The following SPATA31D1 variants were observed in gnomAD, a reference collection of about 807,000 sequenced individuals.
SPATA31D1 encodes SPATA31 subfamily D member 1.
A neutral mutation model predicts 13.2 loss-of-function variants in SPATA31D1; 6 were observed. The observed-to-expected ratio is 0.46, with a 90% CI of 0.25 to 0.90. SPATA31D1 has a LOEUF of 0.90. Ranked by LOEUF, SPATA31D1 falls within the 40% of genes least tolerant of loss-of-function variation. The pLI is 0.18. For missense variants in SPATA31D1, 2,445 were observed against 1,884.7 expected (o/e 1.30, Z -5.50); for synonymous variants, 903 against 718.8 (o/e 1.26, Z -4.10).
chr9:81,993,417 C>T lies in SPATA31D1; in HGVS notation c.2947C>T (p.Leu983Phe). The T allele has an allele frequency of 6.2e-7, 1 of 1,613,982 alleles. No homozygotes were observed. The highest frequency in any genetic ancestry group is 8.5e-7 in the Non-Finnish European group (1 of 1,179,896). Residue 983 changes from leucine to phenylalanine, a missense_variant, in exon 4 of 4, where the codon CTT becomes TTT. Transcript: ENST00000344803. ...GGGAACAACAAGCTCAGTCCCCATC[C>T]TTGATCGTCCTCACCCTGTCTCCTC... The part of the protein sequence containing the change: ...KLGTTSSVPI[L>F]DRPHPVSSPV...
chr9:81,994,506 C>G lies in SPATA31D1; in HGVS notation c.4036C>G (p.Pro1346Ala). The G allele has an allele frequency of 6.2e-7, 1 of 1,613,478 alleles. No individual in the cohort carries two copies. The highest frequency in any genetic ancestry group is 8.5e-7 in the Non-Finnish European group (1 of 1,179,654). ...SSPTLKTQPPPENLFRKWMKT... is the reference protein window; with the variant it reads ...SSPTLKTQPPAENLFRKWMKT... Reference sequence around the variant, plus strand: ...CCCAACCTTGAAAACACAGCCTCCTCCTGAAAACCTTTTCAGAAAATGGAT... The same window carrying G: ...CCCAACCTTGAAAACACAGCCTCCTGCTGAAAACCTTTTCAGAAAATGGAT... Residue 1346 changes from proline (P) to alanine (A), a missense_variant, in exon 4 of 4, where the codon CCT becomes GCT. By Grantham distance (27) the Pro-to-Ala change is conservative. Transcript: ENST00000344803.
Position 81,995,065 on chromosome 9 carries a change from G to C in SPATA31D1, c.4595G>C (p.Arg1532Pro), listed in dbSNP as rs752642779. 15 of 1,613,214 alleles carry C rather than the reference G, an allele frequency of 9.3e-6. No homozygotes were observed. The highest frequency in any genetic ancestry group is 1.3e-5 in the African/African-American group (1 of 74,898). Residue 1532 changes from arginine to proline, a missense_variant, in exon 4 of 4, where the codon CGG becomes CCG. Coordinates refer to ENST00000344803, the MANE Select transcript of SPATA31D1 (RefSeq NM_001001670.3). ...GTGCCACATCCAAACCCCACTTGCC[G>C]GCGTCAGGTCAGCCTGGTGTGTCCA... Reference protein sequence around the residue: ...KPVPHPNPTCRRQVSLVCPAV... With the variant: ...KPVPHPNPTCPRQVSLVCPAV...
Position 81,990,205 on chromosome 9 carries a change from G to C in SPATA31D1, c.233-212G>C. Reference sequence around the variant, plus strand: ...CACTGATGTCTGTGTTTCACGTGGTGGTTTTGAGCATCACATGGGGTAATG... The same window carrying C: ...CACTGATGTCTGTGTTTCACGTGGTCGTTTTGAGCATCACATGGGGTAATG... On this transcript the variant is annotated intron_variant, in intron 2 of 3. Transcript: ENST00000344803. 7.5e-6 allele frequency: 4 copies of C among 535,762 alleles called. No homozygotes were observed. The South Asian group carries it at 1.3e-4, about 17-fold the overall frequency. The allele number at this position is 535,762 out of a possible 1,614,324, so 33.2% of individuals were successfully genotyped here. A position where few individuals can be genotyped will look rare whatever the true frequency, so the allele number is the denominator to read the frequency against.
Position 81,992,918 on chromosome 9 carries a change from C to T in SPATA31D1, c.2448C>T (p.Asp816=), listed in dbSNP as rs765682060. ...ETHMMHLSGN[D]SGVRLGQKQL... is the part of the protein sequence containing the mutation. ...ATATGATGCATCTGTCAGGGAATGA[C>T]TCAGGGGTGAGACTAGGTCAGAAAC... The change falls in exon 4 of 4, where the codon GAC becomes GAT. Residue 816 remains aspartate (D), a synonymous_variant. Transcript: ENST00000344803. The T allele has an allele frequency of 5.6e-6, 9 of 1,613,760 alleles. No homozygotes were observed. The East Asian group carries it at 6.7e-5, about 12-fold the overall frequency.
Position 81,992,544 on chromosome 9 carries a change from C to T in SPATA31D1, c.2074C>T (p.Arg692Ter), listed in dbSNP as rs376217865. ...AAGGAAGAAACTAGAGCAACACATT[C>T]GAAGGAGGCTCATCCAGCGCAGATG... is the stretch of plus-strand genomic sequence containing the variant. Reference protein sequence around the residue: ...EVRKKLEQHIRRRLIQRRWGL... With the variant: ...EVRKKLEQHI Residue 692 changes from arginine to a stop codon, truncating the protein, a stop_gained, in exon 4 of 4, where the codon CGA becomes TGA. Transcript: ENST00000344803. LOFTEE classifies it low-confidence loss of function (END_TRUNC). The T allele has an allele frequency of 9.9e-6, 16 of 1,611,842 alleles. No homozygotes were observed. Among genetic ancestry groups the T allele is most frequent in the Non-Finnish European group, 1.4e-5 (16 of 1,179,734 alleles).
In SPATA31D1 at chr9:81,992,143, C is replaced by G. The variant is rs778987654; in HGVS notation, c.1673C>G (p.Thr558Ser). The change falls in exon 4 of 4, where the codon ACC becomes AGC. Residue 558 changes from threonine (T) to serine (S), a missense_variant. Coordinates refer to ENST00000344803, the MANE Select transcript of SPATA31D1 (RefSeq NM_001001670.3). Reference protein sequence around the residue: ...PPPQPLSLPSTQPLPLPQTLP... With the variant: ...PPPQPLSLPSSQPLPLPQTLP... ...CCCCAACCTCTGTCCTTGCCTAGTA[C>G]CCAACCACTACCCTTGCCTCAAACC... is the stretch of plus-strand genomic sequence containing the variant. The G allele has an allele frequency of 6.2e-7, 1 of 1,613,732 alleles. No homozygotes were observed. Among genetic ancestry groups the G allele is most frequent in the Non-Finnish European group, 8.5e-7 (1 of 1,179,724 alleles).
chr9:81,993,393 G>T lies in SPATA31D1; in HGVS notation c.2923G>T (p.Gly975Ter), dbSNP rs921141339. ...SRSTFQGEKL[G>*]TTSSVPILDR... ...AAGCACTTTTCAAGGAGAAAAGTTGGGAACAACAAGCTCAGTCCCCATCCT... is the reference window on the plus strand; with the variant it reads ...AAGCACTTTTCAAGGAGAAAAGTTGTGAACAACAAGCTCAGTCCCCATCCT... The change falls in exon 4 of 4, where the codon GGA (glycine) becomes TGA (stop). Residue 975 changes from glycine (G) to a stop codon, truncating the protein, a stop_gained. Coordinates refer to ENST00000344803, the MANE Select transcript of SPATA31D1 (RefSeq NM_001001670.3). LOFTEE classifies it low-confidence loss of function (END_TRUNC). 3.7e-6 allele frequency: 6 copies of T among 1,613,802 alleles called. No homozygotes were observed. In the African/African-American group the frequency reaches 6.7e-5, roughly 18 times the overall value.
chr9:81,993,177 T>C lies in SPATA31D1; in HGVS notation c.2707T>C (p.Leu903=). Residue 903 remains leucine (L), a synonymous_variant, in exon 4 of 4, where the codon TTG becomes CTG. Coordinates refer to ENST00000344803, the MANE Select transcript of SPATA31D1 (RefSeq NM_001001670.3). ...SFLSSNKQKM[L]EAHIKTFRMR... ...CCTTAGTTCCAACAAACAAAAGATG[T>C]TGGAAGCCCATATTAAAACTTTCCG... The C allele has an allele frequency of 6.2e-7, 1 of 1,614,004 alleles. No individual in the cohort carries two copies. The highest frequency in any genetic ancestry group is 1.1e-5 in the South Asian group (1 of 91,076).
Position 81,991,783 on chromosome 9 carries a change from T to G in SPATA31D1, c.1313T>G (p.Phe438Cys), listed in dbSNP as rs757412580. Residue 438 changes from phenylalanine to cysteine, a missense_variant, in exon 4 of 4, where the codon TTC becomes TGC. Coordinates refer to ENST00000344803, the MANE Select transcript of SPATA31D1 (RefSeq NM_001001670.3). Reference sequence around the variant, plus strand: ...GAAAATGGAAAGAAACCAGGATCATTCCCAAAACAACTTAGGCCAAACTAC... The same window carrying G: ...GAAAATGGAAAGAAACCAGGATCATGCCCAAAACAACTTAGGCCAAACTAC... Reference protein sequence around the residue: ...WKENGKKPGSFPKQLRPNYQL... With the variant: ...WKENGKKPGSCPKQLRPNYQL... 60 of 1,613,664 alleles carry G rather than the reference T, an allele frequency of 3.7e-5. No homozygotes were observed. Among genetic ancestry groups the G allele is most frequent in the Admixed American group, 1.2e-4 (7 of 59,992 alleles).
Position 81,988,863 on chromosome 9 carries a change from G to A in SPATA31D1, c.45G>A (p.Gly15=), listed in dbSNP as rs1397595624. The A allele has an allele frequency of 6.2e-7, 1 of 1,612,882 alleles. No individual in the cohort carries two copies. The highest frequency in any genetic ancestry group is 1.1e-5 in the South Asian group (1 of 91,026). The change falls in exon 1 of 4, where the codon GGG becomes GGA. Residue 15 remains glycine, a synonymous_variant. Coordinates refer to ENST00000344803, the MANE Select transcript of SPATA31D1 (RefSeq NM_001001670.3). ...LCFLNSYTET[G]LSPDSHWLDI... is the part of the protein sequence containing the mutation. ...TTCTGAACAGCTATACTGAGACAGG[G>A]CTGAGCCCTGACTCACATTGGTTGG...
chr9:81,989,867 C>T (rs1362028316), intron 2 of SPATA31D1, 44 bp downstream of exon 2: 2 of 1,600,212 alleles, frequency 1.2e-6, no homozygotes, highest in African/African-American at 1.3e-5. Context: ...GTGACCCTTT[C>T]TGTCTCTTTC....
Position 81,994,545 on chromosome 9 carries a change from C to T in SPATA31D1, c.4075C>T (p.Gln1359Ter). 1 of 1,613,360 alleles carries T rather than the reference C, an allele frequency of 6.2e-7. No individual in the cohort carries two copies. Among genetic ancestry groups the T allele is most frequent in the South Asian group, 1.1e-5 (1 of 90,896 alleles). Residue 1359 changes from glutamine (Q) to a stop codon, truncating the protein, a stop_gained, in exon 4 of 4, where the codon CAG becomes TAG. Coordinates refer to ENST00000344803, the MANE Select transcript of SPATA31D1 (RefSeq NM_001001670.3). LOFTEE classifies it low-confidence loss of function (END_TRUNC). The stretch of plus-strand genomic sequence containing the variant: ...CAGAAAATGGATGAAGACCTCTTTG[C>T]AGTGGTTTAATAAACCCAGCATATC... ...LFRKWMKTSLQWFNKPSISYE... is the reference protein window; with the variant it reads ...LFRKWMKTSL
chr9:81,989,702 AT>A, intron 1 of SPATA31D1, 75 bp from the exon 2 acceptor site: 2 of 1,443,506 alleles, frequency 1.4e-6, no homozygotes, highest in Non-Finnish European at 1.9e-6. Context: ...GAATGAATGA[AT>A]GAATGAATGA....
chr9:81,995,044 C>CACATCCAA lies in SPATA31D1; in HGVS notation c.4577_4584dup (p.Pro1529IlefsTer32). 1 of 1,613,884 alleles carries CACATCCAA rather than the reference C, an allele frequency of 6.2e-7. No individual in the cohort carries two copies. The highest frequency in any genetic ancestry group is 8.5e-7 in the Non-Finnish European group (1 of 1,179,838). On this transcript the variant is annotated frameshift_variant, in exon 4 of 4. Coordinates refer to ENST00000344803, the MANE Select transcript of SPATA31D1 (RefSeq NM_001001670.3). LOFTEE classifies it low-confidence loss of function (END_TRUNC). ...TCCATGCCCCACAGGAAGCCTGTGC[C>CACATCCAA]ACATCCAAACCCCACTTGCCGGCGT...
Position 81,993,112 on chromosome 9 carries a change from G to A in SPATA31D1, c.2642G>A (p.Ser881Asn). The A allele has an allele frequency of 6.2e-7, 1 of 1,613,948 alleles. No homozygotes were observed. Among genetic ancestry groups the A allele is most frequent in the East Asian group, 2.2e-5 (1 of 44,868 alleles). The stretch of plus-strand genomic sequence containing the variant: ...CATCGAAATCTGGTAACATTGGTGA[G>A]TGAGGACCACTGCGTTGATACTTCC... The part of the protein sequence containing the change: ...IKHRNLVTLV[S>N]EDHCVDTSQE... The change falls in exon 4 of 4, where the codon AGT (serine) becomes AAT (asparagine). Residue 881 changes from serine to asparagine, a missense_variant. Ser to Asn is a conservative substitution (Grantham distance 46). Transcript: ENST00000344803.
chr9:81,990,690 A>G (rs1824934604), intron 3 of SPATA31D1, 83 bp from the exon 4 acceptor site: 1 of 1,506,442 alleles, frequency 6.6e-7, no homozygotes, highest in Admixed American at 2.0e-5. Context: ...GTTGGGGGCA[A>G]TGTGATATGG....
rs113761190 is a variant in SPATA31D1, at chr9:81,991,336, T to G, written c.866T>G (p.Ile289Ser). The change falls in exon 4 of 4, where the codon ATT (isoleucine) becomes AGT (serine). Residue 289 changes from isoleucine (I) to serine (S), a missense_variant. Physicochemically the swap from Ile to Ser is moderately radical, Grantham distance 142 (BLOSUM62 -2). Transcript: ENST00000344803. ...GATATTTCGCAGGCCATGAATCCCA[T>G]TGATTCTTGTGCTCGTCATCACGGA... ...CQDISQAMNP[I>S]DSCARHHGPP... 0.022 allele frequency: 35,836 copies of G among 1,612,090 alleles called. No individual in the cohort carries two copies. Among genetic ancestry groups the G allele is most frequent in the African/African-American group, 0.14 (10,306 of 73,666 alleles).
rs780059791 is a variant in SPATA31D1, at chr9:81,991,616, C to G, written c.1146C>G (p.Thr382=). The G allele has an allele frequency of 2.2e-5, 36 of 1,613,816 alleles. No individual in the cohort carries two copies. In the South Asian group the frequency reaches 3.7e-4, roughly 17 times the overall value. ...CTGATTTCATGGAGGAGCTTCTTAC[C>G]CTTCATTCTTCTGAGGCCTTTTTAG... ...VPSDFMEELL[T]LHSSEAFLGG... The change falls in exon 4 of 4, where the codon ACC becomes ACG. Residue 382 remains threonine, a synonymous_variant. Transcript: ENST00000344803.
At position 81,993,308 on chromosome 9, in the gene SPATA31D1, C is replaced by T; in HGVS notation, c.2838C>T (p.Ser946=). ...CCTTTTCCCATTTCGACCTTCCCTC[C>T]TCAGCCACCTTCATCTCTCAGGGAG... ...STSFSHFDLP[S]SATFISQGDS... The change falls in exon 4 of 4, where the codon TCC becomes TCT. Residue 946 remains serine (S), a synonymous_variant. Coordinates refer to ENST00000344803, the MANE Select transcript of SPATA31D1 (RefSeq NM_001001670.3). The T allele has an allele frequency of 6.2e-7, 1 of 1,613,986 alleles. No individual in the cohort carries two copies. Among genetic ancestry groups the T allele is most frequent in the Non-Finnish European group, 8.5e-7 (1 of 1,179,886 alleles).
Sources: allele counts gnomAD v4.1 joint callset, GRCh38; gene constraint gnomAD v4.1.1; transcripts MANE v1.5; gene names NCBI Gene and HGNC (gene_info 2026-07-23, HGNC 2026-07-21).